The following MEIOB variants were observed in gnomAD, a reference collection of about 807,000 sequenced individuals.
MEIOB encodes meiosis specific with OB-fold, also known as meiosis-specific with OB domain-containing protein.
Under a neutral mutation model 53.1 loss-of-function variants are expected in MEIOB, and 50 were observed. The ratio of observed to expected loss-of-function variants is 0.94; its 90% CI spans 0.75 to 1.19. The LOEUF is 1.19. Among genes scored for constraint, MEIOB ranks in the 50% most tolerant of loss-of-function variants. MEIOB has a pLI of 0.00. For missense variants in MEIOB, 551 were observed against 550.8 expected (o/e 1.00, Z 0.00); for synonymous variants, 192 against 182.5 (o/e 1.05, Z -0.42).
chr16:1,855,931 CTT>C (rs34688365), intron 6 of MEIOB, among the ~76,000 whole-genome samples: 31,064 of 131,270 alleles, frequency 0.24, 6,007 homozygotes, highest in African/African-American at 0.55. Flanking sequence ...GTGTTTTTTC[CTT>C]TTTTTTTTTT....
intron 9 of MEIOB, among the ~76,000 whole-genome samples, chr16:1,851,109 C>T (rs1025410720): frequency 3.3e-5 from 5 of 152,076 alleles, no homozygotes; most frequent in African/African-American, 4.8e-5. Context: ...ATGCTGTCAC[C>T]GCTCTGCTCC....
intron 13 of MEIOB, 172 bp downstream of exon 13, chr16:1,837,612 G>GA: frequency 2.1e-6 from 1 of 466,660 alleles, no homozygotes; most frequent in Non-Finnish European, 3.9e-6. Context: ...TATACAATAT[G>GA]AAAAAACCCC....
At chr16:1,855,389 G>A (rs147523051) in intron 6 of MEIOB, among the ~76,000 whole-genome samples, 9 of 152,078 alleles carry the variant, frequency 5.9e-5, no homozygotes, top group African/African-American at 1.7e-4. Flanking sequence ...CCAAGATCAC[G>A]CCACTGCACT....
At chr16:1,844,154 G>A (rs188162837) in intron 10 of MEIOB, among the ~76,000 whole-genome samples, 19 of 140,720 alleles carry the variant, frequency 1.4e-4, no homozygotes, top group Admixed American at 2.3e-4. Flanking sequence ...ACGGGGTCTC[G>A]CTCTGTTGCC....
Position 1,853,246 on chromosome 16 carries a change from C to A in MEIOB, c.655G>T (p.Ala219Ser). 6.4e-7 allele frequency: 1 copy of A among 1,551,142 alleles called. No individual in the cohort carries two copies. Among genetic ancestry groups the A allele is most frequent in the Non-Finnish European group, 8.7e-7 (1 of 1,146,090 alleles). Residue 219 changes from alanine to serine, a missense_variant, in exon 8 of 14, where the codon GCA becomes TCA. Transcript: ENST00000325962. ...GTTTCTCGTGGCATCCAGCTCTGTG[C>A]AAGTAGAATGGATTCATTATCCCAA... ...TCWDNESILLAQSWMPRETVI... is the reference protein window; with the variant it reads ...TCWDNESILLSQSWMPRETVI...
chr16:1,870,518 T>A (rs1028595261), intron 1 of MEIOB, among the ~76,000 whole-genome samples: 1 of 152,216 alleles, frequency 6.6e-6, no homozygotes, highest in Non-Finnish European at 1.5e-5. Flanking sequence ...CACCACTAGT[T>A]TGTAGTCGTG....
At position 1,857,835 on chromosome 16, in the gene MEIOB, G is replaced by T; in HGVS notation, c.428C>A (p.Pro143His). 6.4e-7 allele frequency: 1 copy of T among 1,550,758 alleles called. No individual in the cohort carries two copies. Among genetic ancestry groups the T allele is most frequent in the Non-Finnish European group, 8.7e-7 (1 of 1,146,040 alleles). ...ATAATAATCATGAGACTCTTTAACA[G>T]GTAAATGTATCAAAGAAAGTAACTT... is the stretch of plus-strand genomic sequence containing the variant. ...DTKLLSLIHL[P>H]VKESHDYYSL... The change falls in exon 6 of 14, where the codon CCT becomes CAT. Residue 143 changes from proline (P) to histidine (H), a missense_variant. Physicochemically the swap from Pro to His is moderately conservative, Grantham distance 77. Transcript: ENST00000325962.
At chr16:1,834,599 A>C (rs1398440647) in intron 13 of MEIOB, among the ~76,000 whole-genome samples, 1 of 152,226 alleles carries the variant, frequency 6.6e-6, no homozygotes, top group South Asian at 2.1e-4. Context: ...GTCACTTTTC[A>C]TGCTATTTCT....
chr16:1,867,995 T>C (rs763200079), intron 2 of MEIOB, 112 bp downstream of exon 2: 33 of 602,102 alleles, frequency 5.5e-5, no homozygotes, highest in Non-Finnish European at 9.7e-5. Flanking sequence ...GCAATGAGTA[T>C]CTATATACTT....
intron 12 of MEIOB, among the ~76,000 whole-genome samples, chr16:1,838,821 A>G (rs1381097146): frequency 2.6e-5 from 4 of 152,084 alleles, no homozygotes; most frequent in African/African-American, 4.8e-5. Context: ...CCTCCTGAGT[A>G]GCTAGGATTA....
chr16:1,868,851 T>A (rs974647147), intron 1 of MEIOB, among the ~76,000 whole-genome samples: 2 of 151,992 alleles, frequency 1.3e-5, no homozygotes, highest in South Asian at 4.2e-4. Context: ...CGACACTCCA[T>A]CTCAAAGAAT....
intron 5 of MEIOB, among the ~76,000 whole-genome samples, chr16:1,859,746 A>G (rs954256773): frequency 6.6e-6 from 1 of 152,094 alleles, no homozygotes; most frequent in African/African-American, 2.4e-5. Context: ...TGTGCCCACC[A>G]AGAGCCCTTT....
rs76370825 is a variant in MEIOB at position 1,853,137 on chromosome 16, G to A, written c.683-3C>T. 3.2e-4 allele frequency: 522 copies of A among 1,606,878 alleles called. 3 individuals carry two copies. In the African/African-American group the frequency reaches 6.0e-3, roughly 18 times the overall value. On this transcript the variant is annotated splice_region_variant and splice_polypyrimidine_tract_variant and intron_variant, in intron 8 of 13. Coordinates refer to ENST00000325962, the MANE Select transcript of MEIOB (RefSeq NM_001163560.3). ...TCTTACATCTGAGGCAAATATTACT[G>A]TTTGGGAAAAAAGCCATTTAAAATT...
At position 1,844,911 on chromosome 16, in the gene MEIOB, C is replaced by T. The variant is rs9806826; in HGVS notation, c.831G>A (p.Thr277=). The T allele has an allele frequency of 0.3, 456,537 of 1,526,526 alleles. 72,307 individuals are homozygous for T. Among genetic ancestry groups the T allele is most frequent in the East Asian group, 0.47 (20,613 of 43,644 alleles). The allele number at this position is 1,526,526 out of a possible 1,614,324, so 94.6% of individuals were successfully genotyped here. The change falls in exon 10 of 14, where the codon ACG becomes ACA. Residue 277 remains threonine (T), a synonymous_variant. Transcript: ENST00000325962. Reference sequence around the variant, plus strand: ...TGTCAATTTCATCATCCAGAACATTCGTTTCTTTATTTTCTCGTATAAAAT... The same window carrying T: ...TGTCAATTTCATCATCCAGAACATTTGTTTCTTTATTTTCTCGTATAAAAT... ...LLNFIRENKE[T]NVLDDEIDSY...
At chr16:1,839,055 A>C (rs1284232195) in intron 12 of MEIOB, among the ~76,000 whole-genome samples, 200 bp downstream of exon 12, 1 of 152,206 alleles carries the variant, frequency 6.6e-6, no homozygotes, top group African/African-American at 2.4e-5. Flanking sequence ...ATAATAGTAA[A>C]TATTAGCTAG....
At chr16:1,848,670 G>A (rs1482576942) in intron 9 of MEIOB, among the ~76,000 whole-genome samples, 1 of 150,904 alleles carries the variant, frequency 6.6e-6, no homozygotes, top group African/African-American at 2.4e-5. Context: ...AGCCTCCCTA[G>A]TAGCTGGGAC....
intron 6 of MEIOB, among the ~76,000 whole-genome samples, chr16:1,854,708 C>T (rs910073018): frequency 2.6e-5 from 4 of 152,134 alleles, no homozygotes; most frequent in African/African-American, 9.7e-5. Flanking sequence ...TTGCCTTCTC[C>T]ACAGGGCTAC....
chr16:1,838,737 G>A (rs750915010), intron 12 of MEIOB, among the ~76,000 whole-genome samples: 27 of 151,930 alleles, frequency 1.8e-4, no homozygotes, highest in Non-Finnish European at 3.5e-4. Context: ...TATCACTCAG[G>A]CTGGAGTGCA....
intron 3 of MEIOB, among the ~76,000 whole-genome samples, chr16:1,864,648 C>G (rs1899539305): frequency 6.6e-6 from 1 of 151,886 alleles, no homozygotes. Context: ...GCCACCATGC[C>G]TGACTAATTT....
Sources: allele counts gnomAD v4.1 joint callset (sites outside exome capture counted in the v4.1 genomes callset), GRCh38; gene constraint gnomAD v4.1.1; transcripts MANE v1.5; gene names NCBI Gene and HGNC (gene_info 2026-07-23, HGNC 2026-07-21).